TANGO2: variants seen among roughly 807,000 people sequenced by gnomAD.
TANGO2 encodes transport and golgi organization 2 homolog.
A neutral mutation model predicts 39.1 loss-of-function variants in TANGO2; 26 were observed. The ratio of observed to expected loss-of-function variants is 0.67; its 90% CI spans 0.49 to 0.92. The LOEUF (loss-of-function observed/expected upper bound fraction) is 0.92. Ranked by LOEUF, TANGO2 falls within the 40% of genes least tolerant of loss-of-function variation. TANGO2 has a pLI of 0.00. For missense variants in TANGO2, 326 were observed against 360.1 expected (o/e 0.91, Z 0.77); for synonymous variants, 131 against 144.5 (o/e 0.91, Z 0.67).
At chr22:20,033,943 T>A (rs1601934838) in intron 1 of TANGO2, among the ~76,000 whole-genome samples, 1 of 152,338 alleles carries the variant, frequency 6.6e-6, no homozygotes, top group East Asian at 1.9e-4. Context: ...TGGTGGCTCA[T>A]GCCTGTAATC....
At chr22:20,035,929 T>C (rs2042758505) in intron 1 of TANGO2, among the ~76,000 whole-genome samples, 1 of 152,190 alleles carries the variant, frequency 6.6e-6, no homozygotes, top group Non-Finnish European at 1.5e-5. Context: ...GCCACCCTGC[T>C]TGGATAGCTG....
At position 20,053,549 on chromosome 22, in the gene TANGO2, G is replaced by A; in HGVS notation, c.378G>A (p.Leu126=). The A allele has an allele frequency of 6.2e-7, 1 of 1,607,232 alleles. No homozygotes were observed. The highest frequency in any genetic ancestry group is 8.5e-7 in the Non-Finnish European group (1 of 1,173,868). Residue 126 remains leucine, a splice_region_variant and synonymous_variant, in exon 5 of 9, where the codon CTG becomes CTA. Transcript: ENST00000327374. ...GCTTCAACCTCATAGCAGCCGACCT[G>A]AGGTGGGTCTGCCAGAGGGGGATGG... ...YNGFNLIAAD[L]STAKGDVICY... is the part of the protein sequence containing the mutation.
At chr22:20,036,109 G>A (rs5748510) in intron 1 of TANGO2, among the ~76,000 whole-genome samples, 1 of 152,126 alleles carries the variant, frequency 6.6e-6, no homozygotes, top group East Asian at 1.9e-4. Flanking sequence ...AAGTCCCTGA[G>A]CTAACTAGGA....
At position 20,061,641 on chromosome 22, in the gene TANGO2, T is replaced by A. The variant is rs534925591; in HGVS notation, c.563T>A (p.Val188Glu). The A allele has an allele frequency of 6.4e-7, 1 of 1,563,252 alleles. No individual in the cohort carries two copies. Among genetic ancestry groups the A allele is most frequent in the Non-Finnish European group, 8.7e-7 (1 of 1,153,254 alleles). ...CGGAGCCAGGCGCTGCCCAAGGATG[T>A]GCTCATCGCCAGCCTCCTGGATGTG... Reference protein sequence around the residue: ...VERSQALPKDVLIASLLDVLN... With the variant: ...VERSQALPKDELIASLLDVLN... Residue 188 changes from valine (V) to glutamate (E), a missense_variant, in exon 7 of 9, where the codon GTG (valine) becomes GAG (glutamate). By Grantham distance (121) the Val-to-Glu change is moderately radical (BLOSUM62 -2). Coordinates refer to ENST00000327374, the MANE Select transcript of TANGO2 (RefSeq NM_152906.7).
intron 7 of TANGO2, 142 bp from the exon 8 acceptor site, chr22:20,063,196 A>G: frequency 1.6e-6 from 1 of 624,446 alleles, no homozygotes; most frequent in Non-Finnish European, 2.8e-6. Flanking sequence ...GAAGAGGAAA[A>G]AGAAAAGAAG....
chr22:20,053,099 G>C (rs1296323538), intron 4 of TANGO2, among the ~76,000 whole-genome samples: 1 of 152,160 alleles, frequency 6.6e-6, no homozygotes, highest in East Asian at 1.9e-4. Context: ...ACTGTCCCCT[G>C]CCTGGAATGT....
intron 3 of TANGO2, among the ~76,000 whole-genome samples, chr22:20,043,860 A>G (rs1245052610): frequency 6.6e-6 from 1 of 152,022 alleles, no homozygotes; most frequent in African/African-American, 2.4e-5. Flanking sequence ...TTTGTATATG[A>G]GCACCCTTGC....
chr22:20,025,415 G>C (rs1239430854), intron 1 of TANGO2, among the ~76,000 whole-genome samples: 3 of 151,912 alleles, frequency 2.0e-5, no homozygotes, highest in African/African-American at 4.8e-5. Context: ...TTTGAGGGTA[G>C]ACATTACTGT....
At chr22:20,030,877 CATA>C (rs946403202) in intron 1 of TANGO2, among the ~76,000 whole-genome samples, 1 of 152,064 alleles carries the variant, frequency 6.6e-6, no homozygotes, top group Non-Finnish European at 1.5e-5. Flanking sequence ...GCCTGGGCAA[CATA>C]ATGAGACCCC....
At chr22:20,051,163 A>G (rs778877449) in intron 3 of TANGO2, among the ~76,000 whole-genome samples, 1 of 151,832 alleles carries the variant, frequency 6.6e-6, no homozygotes, top group Non-Finnish European at 1.5e-5. Flanking sequence ...ACGGGGCCAC[A>G]AATACAGTTT....
intron 3 of TANGO2, among the ~76,000 whole-genome samples, chr22:20,048,946 G>C (rs2045779681): frequency 6.6e-6 from 1 of 152,144 alleles, no homozygotes; most frequent in African/African-American, 2.4e-5. Flanking sequence ...CGCCCGGCCA[G>C]AATATTTCAT....
intron 6 of TANGO2, among the ~76,000 whole-genome samples, chr22:20,059,946 G>C (rs2147760173): frequency 6.6e-6 from 1 of 151,442 alleles, no homozygotes; most frequent in East Asian, 2.0e-4. Flanking sequence ...TCTTTGGTTT[G>C]ACTTAAGTTA....
intron 6 of TANGO2, chr22:20,056,816 C>CA (rs1337424317): frequency 1.5e-5 from 7 of 456,572 alleles, no homozygotes; most frequent in Non-Finnish European, 3.1e-5. Flanking sequence ...CTGGCTCACT[C>CA]ACTCCCACAC....
intron 1 of TANGO2, 147 bp from the exon 2 acceptor site, chr22:20,036,613 C>T (rs1415500639): frequency 1.4e-6 from 1 of 696,118 alleles, no homozygotes; most frequent in East Asian, 2.7e-5. Flanking sequence ...TGGCACCGGC[C>T]AAGAGTGTGG....
upstream of TANGO2, among the ~76,000 whole-genome samples, chr22:20,017,380 GCT>G (rs939554686): frequency 2.6e-5 from 4 of 152,198 alleles, no homozygotes; most frequent in Non-Finnish European, 5.9e-5. Flanking sequence ...GGGCCTGGGG[GCT>G]CTCTCATCCT....
At chr22:20,039,608 G>A (rs2043518786) in intron 2 of TANGO2, among the ~76,000 whole-genome samples, 1 of 151,814 alleles carries the variant, frequency 6.6e-6, no homozygotes. Flanking sequence ...CAGCCTGGAT[G>A]ACAGAGTGAG....
At chr22:20,063,823 G>T (rs1035776338) in intron 8 of TANGO2, among the ~76,000 whole-genome samples, 1 of 152,226 alleles carries the variant, frequency 6.6e-6, no homozygotes, top group Non-Finnish European at 1.5e-5. Context: ...CAGGTGCAGG[G>T]TGTCATTTCC....
intron 1 of TANGO2, among the ~76,000 whole-genome samples, chr22:20,024,865 G>A (rs901599261): frequency 1.1e-4 from 16 of 152,062 alleles, no homozygotes; most frequent in African/African-American, 3.4e-4. Flanking sequence ...GGGTCTCCAG[G>A]TGTGGTGTTG....
At position 20,064,675 on chromosome 22, in the gene TANGO2, G is replaced by C; in HGVS notation, c.*13G>C. 4.3e-6 allele frequency: 7 copies of C among 1,613,704 alleles called. No individual in the cohort carries two copies. The highest frequency in any genetic ancestry group is 5.9e-6 in the Non-Finnish European group (7 of 1,179,794). ...ACTGCAGAGCTAACCCCACCTCTGG[G>C]CCTGGCCAGTGGGCTCCTGGGGGGC... On this transcript the variant is annotated 3_prime_UTR_variant, in exon 9 of 9. Coordinates refer to ENST00000327374, the MANE Select transcript of TANGO2 (RefSeq NM_152906.7).
Sources: allele counts gnomAD v4.1 joint callset (sites outside exome capture counted in the v4.1 genomes callset), GRCh38; gene constraint gnomAD v4.1.1; transcripts MANE v1.5; gene names NCBI Gene and HGNC (gene_info 2026-07-23, HGNC 2026-07-21).